Variants in ATN1 observed in about 807,000 individuals in gnomAD.
ATN1 encodes the protein atrophin 1, also known as atrophin-1.
In ATN1, 19 loss-of-function variants were observed where a neutral mutation model predicts 85.8. That is an observed-to-expected ratio of 0.22 (90% CI 0.15 to 0.32). The LOEUF is 0.32. Among genes scored for constraint, ATN1 ranks in the 10% least tolerant of loss-of-function variants. The probability of loss-of-function intolerance (pLI) is 1.00; values close to 1 mark genes in which losing one functional copy is unlikely to be tolerated. For synonymous variants in ATN1, 674 were observed against 657.0 expected, an observed-to-expected ratio of 1.03 and a Z score of -0.39; for missense variants, 1,453 against 1,564.5, an observed-to-expected ratio of 0.93 and a Z score of 1.20.
At position 6,937,010 on chromosome 12, in the gene ATN1, G is replaced by T. The variant is rs1555143862; in HGVS notation, c.1743G>T (p.Gly581=). The T allele has an allele frequency of 1.2e-6, 2 of 1,613,560 alleles. No individual in the cohort carries two copies. Among genetic ancestry groups the T allele is most frequent in the African/African-American group, 2.7e-5 (2 of 74,860 alleles). Residue 581 remains glycine, a synonymous_variant, in exon 5 of 10, where the codon GGG becomes GGT. Transcript: ENST00000396684. The surrounding 1 kb of genome is among the most constrained non-coding windows in gnomAD (Gnocchi z 6.0). ...ACTCTTCCTCTTCCACTTCTCAAGGGTCCTACCCATGTTCACACCCCTCCC... is the reference window on the plus strand; with the variant it reads ...ACTCTTCCTCTTCCACTTCTCAAGGTTCCTACCCATGTTCACACCCCTCCC... The part of the protein sequence containing the change: ...SSNSSSSTSQ[G]SYPCSHPSPS...
At position 6,935,245 on chromosome 12, in the gene ATN1, T is replaced by C. The variant is rs192711917; in HGVS notation, c.280-302T>C. The stretch of plus-strand genomic sequence containing the variant: ...TGGAGGATGGTTAAAGTGGTGGTTA[T>C]GAGATGGTGGAAGACAGGGAGTTGG... On this transcript the variant is annotated intron_variant, in intron 4 of 9. Coordinates refer to ENST00000396684, the MANE Select transcript of ATN1 (RefSeq NM_001940.4). This position sits in a 1 kb window ranked among gnomAD's most constrained non-coding sequence, Gnocchi z 5.3. 1.8e-3 allele frequency among the ~76,000 whole-genome samples: 272 copies of C among 152,174 alleles called. No individual in the cohort carries two copies. Among genetic ancestry groups the C allele is most frequent in the Non-Finnish European group, 3.2e-3 (215 of 67,990 alleles).
chr12:6,935,577 G>A lies in ATN1; in HGVS notation c.310G>A (p.Asp104Asn), dbSNP rs1555143445. ...ACTCCCTCGGCCACAGTCTCCCTCC[G>A]ATCTGGATAGCTTGGACGGGCGGAG... The part of the protein sequence containing the change: ...QELPRPQSPS[D>N]LDSLDGRSLN... Residue 104 changes from aspartate (D) to asparagine (N), a missense_variant, in exon 5 of 10, where the codon GAT becomes AAT. By Grantham distance (23) the Asp-to-Asn change is conservative. Around this residue, in one of 6 missense-constraint regions of ATN1, gnomAD observed 130 missense variants for 158.2 expected, o/e 0.82. Coordinates refer to ENST00000396684, the MANE Select transcript of ATN1 (RefSeq NM_001940.4). The surrounding 1 kb of genome is among the most constrained non-coding windows in gnomAD (Gnocchi z 5.3). 1.2e-6 allele frequency: 2 copies of A among 1,613,700 alleles called. No individual in the cohort carries two copies. The highest frequency in any genetic ancestry group is 1.7e-6 in the Non-Finnish European group (2 of 1,179,716).
At position 6,934,378 on chromosome 12, in the gene ATN1, T is replaced by A; in HGVS notation, c.165+65T>A. On this transcript the variant is annotated intron_variant, in intron 3 of 9. Coordinates refer to ENST00000396684, the MANE Select transcript of ATN1 (RefSeq NM_001940.4). This position sits in a 1 kb window ranked among gnomAD's most constrained non-coding sequence, Gnocchi z 4.5. ...ACTGGGGCTGAGGGTGTGTGTGTGT[T>A]GTGGGGGAACTTCCTGTTTGGCAGA... 2 of 1,599,996 alleles carry A rather than the reference T, an allele frequency of 1.3e-6. No homozygotes were observed. The highest frequency in any genetic ancestry group is 2.2e-5 in the East Asian group (1 of 44,788).
chr12:6,925,839 C>T (rs1945393941), upstream of ATN1, among the ~76,000 whole-genome samples: 1 of 152,240 alleles, frequency 6.6e-6, no homozygotes, highest in Non-Finnish European at 1.5e-5. Flanking sequence ...CCCTTAGCCT[C>T]CAGCAAGACT....
At chr12:6,933,696 T>C in intron 1 of ATN1, 144 bp from the exon 2 acceptor site, 1 of 486,708 alleles carries the variant, frequency 2.1e-6, no homozygotes, top group Non-Finnish European at 3.7e-6. Flanking sequence ...CCATGGGGCA[T>C]GCCAGCAATG....
Position 6,934,592 on chromosome 12 carries a change from G to A in ATN1, c.279+14G>A. The A allele has an allele frequency of 6.5e-7, 1 of 1,530,814 alleles. No individual in the cohort carries two copies. The highest frequency in any genetic ancestry group is 8.9e-7 in the Non-Finnish European group (1 of 1,127,416). 94.8% of individuals were successfully genotyped at this position (1,530,814 alleles called of 1,614,324 possible). A position where few individuals can be genotyped will look rare whatever the true frequency, so the allele number is the denominator to read the frequency against. On this transcript the variant is annotated intron_variant, in intron 4 of 9. Transcript: ENST00000396684. The surrounding 1 kb of genome is among the most constrained non-coding windows in gnomAD (Gnocchi z 4.5). ...ACCAAAACTGAGGTGGGAAACCCTT[G>A]TCGCCATCCTGACCCATCTTGTGAC... is the stretch of plus-strand genomic sequence containing the variant.
chr12:6,939,983 C>A (rs1320204218), intron 7 of ATN1, among the ~76,000 whole-genome samples: 4 of 152,218 alleles, frequency 2.6e-5, no homozygotes, highest in Non-Finnish European at 4.4e-5. Context: ...ACTATCCTTT[C>A]ACCATTTTTT....
rs782362532 is a variant in ATN1 at position 6,941,490 on chromosome 12, C to A, written c.3475C>A (p.Gln1159Lys). The stretch of plus-strand genomic sequence containing the variant: ...GCAGCGCTTGGCGCTGGAACAGCAG[C>A]AGTGGCTGCATGCCCATCACCCGCT... ...ELQRLALEQQ[Q>K]WLHAHHPLHS... Residue 1159 changes from glutamine to lysine, a missense_variant, in exon 9 of 10, where the codon CAG becomes AAG. Gln to Lys is a moderately conservative substitution (Grantham distance 53, BLOSUM62 1). This residue lies in a region of ATN1 where 118 missense variants were observed against 163.7 expected (regional missense o/e 0.72). Coordinates refer to ENST00000396684, the MANE Select transcript of ATN1 (RefSeq NM_001940.4). The surrounding 1 kb of genome is among the most constrained non-coding windows in gnomAD (Gnocchi z 5.9). 1 of 1,612,780 alleles carries A rather than the reference C, an allele frequency of 6.2e-7. No homozygotes were observed. Among genetic ancestry groups the A allele is most frequent in the Non-Finnish European group, 8.5e-7 (1 of 1,179,974 alleles).
In ATN1 at chr12:6,935,609, T is replaced by C; in HGVS notation, c.342T>C (p.Asn114=). The C allele has an allele frequency of 6.2e-7, 1 of 1,613,942 alleles. No individual in the cohort carries two copies. Among genetic ancestry groups the C allele is most frequent in the Non-Finnish European group, 8.5e-7 (1 of 1,179,890 alleles). Residue 114 remains asparagine (N), a synonymous_variant, in exon 5 of 10, where the codon AAT becomes AAC. Transcript: ENST00000396684. The surrounding 1 kb of genome is among the most constrained non-coding windows in gnomAD (Gnocchi z 5.3). ...ATAGCTTGGACGGGCGGAGCCTTAA[T>C]GATGATGGCAGCAGCGACCCTAGGG... ...DLDSLDGRSL[N]DDGSSDPRDI...
chr12:6,940,855 C>A, intron 7 of ATN1, 25 bp from the exon 8 acceptor site: 3 of 1,614,124 alleles, frequency 1.9e-6, no homozygotes, highest in Non-Finnish European at 2.5e-6. Context: ...CTTCTGGTGA[C>A]ACCTTCCTCT....
Position 6,937,920 on chromosome 12 carries a change from C to A in ATN1, c.2370C>A (p.Ser790=). 1.3e-6 allele frequency: 2 copies of A among 1,594,880 alleles called. No individual in the cohort carries two copies. Among genetic ancestry groups the A allele is most frequent in the South Asian group, 2.3e-5 (2 of 88,410 alleles). ...SDLYFVPLEG[S]KLAKKRADLV... ...TGTACTTCGTGCCACTGGAGGGCTCCAAGCTGGCCAAGAAGCGGGCCGACC... is the reference window on the plus strand; with the variant it reads ...TGTACTTCGTGCCACTGGAGGGCTCAAAGCTGGCCAAGAAGCGGGCCGACC... Residue 790 remains serine, a synonymous_variant, in exon 6 of 10, where the codon TCC becomes TCA. Coordinates refer to ENST00000396684, the MANE Select transcript of ATN1 (RefSeq NM_001940.4). This position sits in a 1 kb window ranked among gnomAD's most constrained non-coding sequence, Gnocchi z 6.0.
rs140583379 is a variant in ATN1 at position 6,939,058 on chromosome 12, C to T, written c.3095C>T (p.Ala1032Val). Reference sequence around the variant, plus strand: ...GAGAGGCAGCACGCAGAAAGGGTGGCGGCCCTGGGCAATGACCCACTGGCC... The same window carrying T: ...GAGAGGCAGCACGCAGAAAGGGTGGTGGCCCTGGGCAATGACCCACTGGCC... ...AAERQHAERV[A>V]ALGNDPLARL... Residue 1032 changes from alanine (A) to valine (V), a missense_variant, in exon 7 of 10, where the codon GCG (alanine) becomes GTG (valine). By Grantham distance (64) the Ala-to-Val change is moderately conservative. This residue lies in a region of ATN1 where 208 missense variants were observed against 263.4 expected (regional missense o/e 0.79). Coordinates refer to ENST00000396684, the MANE Select transcript of ATN1 (RefSeq NM_001940.4). The T allele has an allele frequency of 1.6e-4, 256 of 1,605,336 alleles. No individual in the cohort carries two copies. The African/African-American group carries it at 2.3e-3, about 14-fold the overall frequency.
chr12:6,940,283 C>T (rs1459122930), intron 7 of ATN1, among the ~76,000 whole-genome samples: 1 of 150,890 alleles, frequency 6.6e-6, no homozygotes, highest in African/African-American at 2.4e-5. Flanking sequence ...AGCCACCGCA[C>T]CCGGCTTCCT....
chr12:6,940,957 A>G lies in ATN1; in HGVS notation c.3292A>G (p.Thr1098Ala). ...TACCCGGATCCCCTACCCAGCTGGA[A>G]CTCTCCCTAACCCCCTGCTTCCTCA... ...HLTRIPYPAG[T>A]LPNPLLPHPL... Residue 1098 changes from threonine (T) to alanine (A), a missense_variant, in exon 8 of 10, where the codon ACT becomes GCT. Physicochemically the swap from Thr to Ala is moderately conservative, Grantham distance 58 (BLOSUM62 0). This residue lies in a region of ATN1 where 118 missense variants were observed against 163.7 expected (regional missense o/e 0.72). Coordinates refer to ENST00000396684, the MANE Select transcript of ATN1 (RefSeq NM_001940.4). 6.2e-7 allele frequency: 1 copy of G among 1,613,740 alleles called. No homozygotes were observed.
Position 6,936,534 on chromosome 12 carries a change from C to G in ATN1, c.1267C>G (p.Gln423Glu). ...PPPTSLSVSN[Q>E]PPKYTQPSLP... is the part of the protein sequence containing the mutation. ...CCCAACAAGCCTCTCTGTCTCCAAT[C>G]AGCCCCCCAAGTATACTCAGCCTTC... is the stretch of plus-strand genomic sequence containing the variant. Residue 423 changes from glutamine (Q) to glutamate (E), a missense_variant, in exon 5 of 10, where the codon CAG (glutamine) becomes GAG (glutamate). Transcript: ENST00000396684. 6.2e-7 allele frequency: 1 copy of G among 1,607,886 alleles called. No homozygotes were observed. The highest frequency in any genetic ancestry group is 1.1e-5 in the South Asian group (1 of 90,916).
rs1369707177 is a variant in ATN1, at chr12:6,937,722, A to C, written c.2295-123A>C. The C allele has an allele frequency of 6.9e-6, 10 of 1,447,066 alleles. No homozygotes were observed. Among genetic ancestry groups the C allele is most frequent in the Non-Finnish European group, 9.1e-6 (10 of 1,103,160 alleles). The allele number at this position is 1,447,066 out of a possible 1,614,324, so 89.6% of individuals were successfully genotyped here. ...CCTAGTGGCCAGTGAGGCCCGCAGCAGCTCACAGCCTGCAGGGGTGGTTTT... is the reference window on the plus strand; with the variant it reads ...CCTAGTGGCCAGTGAGGCCCGCAGCCGCTCACAGCCTGCAGGGGTGGTTTT... On this transcript the variant is annotated intron_variant, in intron 5 of 9. Transcript: ENST00000396684. This position sits in a 1 kb window ranked among gnomAD's most constrained non-coding sequence, Gnocchi z 6.0.
intron 1 of ATN1, among the ~76,000 whole-genome samples, chr12:6,932,963 A>G (rs1400694235): frequency 4.6e-5 from 7 of 152,190 alleles, no homozygotes; most frequent in African/African-American, 1.2e-4. Context: ...AGAATACAGC[A>G]AAGTATAGAA....
upstream of ATN1, among the ~76,000 whole-genome samples, chr12:6,925,079 T>A (rs1335497858): frequency 6.7e-6 from 1 of 148,700 alleles, no homozygotes; most frequent in Non-Finnish European, 1.5e-5. Flanking sequence ...GAGAGGGAGC[T>A]GGGGTGAGGG....
In ATN1 at chr12:6,941,665, C is replaced by T; in HGVS notation, c.3540-82C>T. On this transcript the variant is annotated intron_variant, in intron 9 of 9. Coordinates refer to ENST00000396684, the MANE Select transcript of ATN1 (RefSeq NM_001940.4). The surrounding 1 kb of genome is among the most constrained non-coding windows in gnomAD (Gnocchi z 5.9). ...CCTGGGGGAGGGAACCCCTCCTCTCCCAACCCCTTCGGTAAGAGGGGGCAA... is the reference window on the plus strand; with the variant it reads ...CCTGGGGGAGGGAACCCCTCCTCTCTCAACCCCTTCGGTAAGAGGGGGCAA... The T allele has an allele frequency of 3.8e-6, 6 of 1,590,392 alleles. No individual in the cohort carries two copies. Among genetic ancestry groups the T allele is most frequent in the Non-Finnish European group, 5.2e-6 (6 of 1,158,754 alleles).
Sources: gnomAD v4.1 joint callset for allele counts (sites outside exome capture counted in the v4.1 genomes callset) on GRCh38, gnomAD v4.1.1 for gene constraint, gnomAD v4.1.1 regional missense constraint, Gnocchi (gnomAD v3.1) non-coding constraint, MANE v1.5 for transcripts, NCBI Gene and HGNC (gene_info 2026-07-23, HGNC 2026-07-21) for gene names.